Variants in GALNT18 observed in about 807,000 individuals in gnomAD.
The protein encoded by GALNT18 is GalNAc-transferase 18.
GALNT18 carries 44 observed loss-of-function variants against 69.5 expected under a neutral mutation model. That is an observed-to-expected ratio of 0.63 (90% CI 0.50 to 0.81). GALNT18 has a LOEUF of 0.81. GALNT18 is among the 40% of genes least tolerant of loss of function. The pLI, the probability that GALNT18 is intolerant of heterozygous loss-of-function variation, is 0.00. For missense variants in GALNT18, 715 were observed against 810.0 expected (o/e 0.88, Z 1.42); for synonymous variants, 364 against 318.2 (o/e 1.14, Z -1.53).
intron 1 of GALNT18, among the ~76,000 whole-genome samples, chr11:11,491,767 C>T (rs972283514): frequency 1.8e-4 from 27 of 152,268 alleles, no homozygotes; most frequent in African/African-American, 6.5e-4. Context: ...TTGGATGGAC[C>T]AGGCCAAGTT....
At position 11,342,884 on chromosome 11, in the gene GALNT18, A is replaced by T. The variant is rs369017150; in HGVS notation, c.1093-1880T>A. Among the ~76,000 whole-genome samples, 38 of 152,334 alleles carry T rather than the reference A, an allele frequency of 2.5e-4. 1 individual carries two copies. Among genetic ancestry groups the T allele is most frequent in the African/African-American group, 8.9e-4 (37 of 41,582 alleles). ...GAGTACCTATCTATCTCAGAAGGTC[A>T]CTGAGAAAATTAAAGCAATTACATG... is the stretch of plus-strand genomic sequence containing the variant. On this transcript the variant is annotated intron_variant, in intron 6 of 10. Coordinates refer to ENST00000227756, the MANE Select transcript of GALNT18 (RefSeq NM_198516.3).
At chr11:11,503,031 G>A (rs1246724394) in intron 1 of GALNT18, among the ~76,000 whole-genome samples, 3 of 152,124 alleles carry the variant, frequency 2.0e-5, no homozygotes, top group Non-Finnish European at 4.4e-5. Flanking sequence ...GGAAGAAGAG[G>A]GCTTCCTGCC....
chr11:11,291,467 C>T (rs565306347), intron 10 of GALNT18, among the ~76,000 whole-genome samples: 6 of 145,818 alleles, frequency 4.1e-5, no homozygotes, highest in Non-Finnish European at 7.8e-5. Context: ...TTAATATATG[C>T]CTGACACATA....
intron 10 of GALNT18, 42 bp from the exon 11 acceptor site, chr11:11,271,332 C>A (rs1564871935): frequency 6.3e-7 from 1 of 1,590,202 alleles, no homozygotes; most frequent in South Asian, 1.1e-5. Flanking sequence ...GGCATAGAGG[C>A]AACATGCAGA....
rs201926434 is a variant in GALNT18 at position 11,276,475 on chromosome 11, CAG to C, written c.1678-5187_1678-5186del. Among the ~76,000 whole-genome samples, 941 of 152,312 alleles carry C rather than the reference CAG, an allele frequency of 6.2e-3. 7 individuals carry two copies. The highest frequency in any genetic ancestry group is 0.021 in the African/African-American group (876 of 41,546). On this transcript the variant is annotated intron_variant, in intron 10 of 10. Coordinates refer to ENST00000227756, the MANE Select transcript of GALNT18 (RefSeq NM_198516.3). ...AATATACAATCATGTCATCTGCAAACAGAGGCAATTTGACTTCCTCTCTCTCT... is the reference window on the plus strand; with the variant it reads ...AATATACAATCATGTCATCTGCAAACAGGCAATTTGACTTCCTCTCTCTCT...
intron 3 of GALNT18, among the ~76,000 whole-genome samples, chr11:11,392,385 C>T (rs904974072): frequency 1.3e-5 from 2 of 152,126 alleles, no homozygotes; most frequent in Admixed American, 6.5e-5. Flanking sequence ...TCTGGGAGGC[C>T]GAGGCAGGCA....
chr11:11,455,690 T>A (rs1395488495), intron 1 of GALNT18, among the ~76,000 whole-genome samples: 1 of 152,186 alleles, frequency 6.6e-6, no homozygotes, highest in African/African-American at 2.4e-5. Flanking sequence ...CAGTGAAGAC[T>A]GCGAGTCTGA....
chr11:11,417,451 A>C lies in GALNT18; in HGVS notation c.595+15170T>G, dbSNP rs148607974. ...TTCAAGAGAAGCTTCTGCTTCTCAA[A>C]GTGGGAGTCAATATGGCAGAAGCTG... is the stretch of plus-strand genomic sequence containing the variant. On this transcript the variant is annotated intron_variant, in intron 3 of 10. Coordinates refer to ENST00000227756, the MANE Select transcript of GALNT18 (RefSeq NM_198516.3). Among the ~76,000 whole-genome samples the C allele has an allele frequency of 7.7e-3, 1,168 of 152,294 alleles. 18 individuals are homozygous for C. Among genetic ancestry groups the C allele is most frequent in the Non-Finnish European group, 6.3e-3 (428 of 68,018 alleles).
chr11:11,490,796 C>T (rs559102786), intron 1 of GALNT18, among the ~76,000 whole-genome samples: 2 of 152,328 alleles, frequency 1.3e-5, no homozygotes, highest in East Asian at 3.9e-4. Flanking sequence ...CTTGTGTTCT[C>T]TCCAAATCAT....
chr11:11,416,683 A>G (rs966507835), intron 3 of GALNT18, among the ~76,000 whole-genome samples: 2 of 152,166 alleles, frequency 1.3e-5, no homozygotes, highest in African/African-American at 4.8e-5. Flanking sequence ...ATTTACTCCC[A>G]GATGGCAGCC....
intron 1 of GALNT18, among the ~76,000 whole-genome samples, chr11:11,561,731 T>A (rs1858512268): frequency 6.6e-6 from 1 of 152,198 alleles, no homozygotes; most frequent in South Asian, 2.1e-4. Flanking sequence ...GGGAAACAGG[T>A]CCTGCTTCCA....
rs143907622 is a variant in GALNT18, at chr11:11,355,401, A to G, written c.1093-14397T>C. Reference sequence around the variant, plus strand: ...TGACTATATTGGAGATGGGGCATTTAAGGAGGTGATTAAACATGCACAAAA... The same window carrying G: ...TGACTATATTGGAGATGGGGCATTTGAGGAGGTGATTAAACATGCACAAAA... On this transcript the variant is annotated intron_variant, in intron 6 of 10. Coordinates refer to ENST00000227756, the MANE Select transcript of GALNT18 (RefSeq NM_198516.3). Among the ~76,000 whole-genome samples, 9 of 152,258 alleles carry G rather than the reference A, an allele frequency of 5.9e-5. No homozygotes were observed. The East Asian group carries it at 1.7e-3, about 29-fold the overall frequency.
rs11826783 is a variant in GALNT18, at chr11:11,297,774, A to T, written c.1513-4581T>A. ...GGGCAGAGAAACGTCATCCCCGCCC[A>T]CTCAGCTCCTCCTCAGCTGCCAATG... On this transcript the variant is annotated intron_variant, in intron 9 of 10. Transcript: ENST00000227756. 9.2e-3 allele frequency among the ~76,000 whole-genome samples: 1,395 copies of T among 152,234 alleles called. 21 individuals carry two copies. Among genetic ancestry groups the T allele is most frequent in the African/African-American group, 0.031 (1,297 of 41,526 alleles).
rs1350418956 is a variant in GALNT18 at position 11,620,956 on chromosome 11, C to T, written c.235+403G>A. 6.6e-6 allele frequency among the ~76,000 whole-genome samples: 1 copy of T among 152,040 alleles called. No individual in the cohort carries two copies. Among genetic ancestry groups the T allele is most frequent in the Non-Finnish European group, 1.5e-5 (1 of 68,002 alleles). On this transcript the variant is annotated intron_variant, in intron 1 of 10. Transcript: ENST00000227756. The surrounding 1 kb of genome is among the most constrained non-coding windows in gnomAD (Gnocchi z 6.9). ...CTGACGCCTACAGTGGCCAAAAAAG[C>T]TCGTTTGCCCGCGCGTTCCCTCTTG...
chr11:11,578,698 G>A (rs919518812), intron 1 of GALNT18, among the ~76,000 whole-genome samples: 7 of 152,346 alleles, frequency 4.6e-5, no homozygotes, highest in Admixed American at 2.6e-4. Context: ...CGCAGCAGCC[G>A]GGCCTCCTGT....
In GALNT18 at chr11:11,606,352, T is replaced by C. The variant is rs1040874579; in HGVS notation, c.235+15007A>G. The stretch of plus-strand genomic sequence containing the variant: ...GACTAATAATTACAGGACAGTATGA[T>C]TTTCTCATCTGTAAAATGGGGCTAA... On this transcript the variant is annotated intron_variant, in intron 1 of 10. Transcript: ENST00000227756. This position sits in a 1 kb window ranked among gnomAD's most constrained non-coding sequence, Gnocchi z 5.4. Among the ~76,000 whole-genome samples the C allele has an allele frequency of 1.3e-5, 2 of 152,208 alleles. No homozygotes were observed. Among genetic ancestry groups the C allele is most frequent in the Admixed American group, 6.5e-5 (1 of 15,276 alleles).
At chr11:11,553,740 G>T (rs908177245) in intron 1 of GALNT18, among the ~76,000 whole-genome samples, 1 of 152,046 alleles carries the variant, frequency 6.6e-6, no homozygotes, top group Admixed American at 6.5e-5. Flanking sequence ...AGCTGCCCCC[G>T]GGAGCCCTTC....
chr11:11,462,965 T>C (rs898858492), intron 1 of GALNT18, among the ~76,000 whole-genome samples: 2 of 152,006 alleles, frequency 1.3e-5, no homozygotes, highest in South Asian at 2.1e-4. Context: ...CCAGCAAACC[T>C]CCTCTCTCAG....
chr11:11,574,791 G>T (rs143924251), intron 1 of GALNT18, among the ~76,000 whole-genome samples: 1 of 152,270 alleles, frequency 6.6e-6, no homozygotes, highest in African/African-American at 2.4e-5. Context: ...CAAAGGAGTC[G>T]TATTAGGAAA....
Sources: allele counts gnomAD v4.1 joint callset (sites outside exome capture counted in the v4.1 genomes callset), GRCh38; gene constraint gnomAD v4.1.1; non-coding constraint Gnocchi (gnomAD v3.1); transcripts MANE v1.5; gene names NCBI Gene and HGNC (gene_info 2026-07-23, HGNC 2026-07-21).